Variants in AGMO observed in about 807,000 individuals in gnomAD.
The protein encoded by AGMO is alkylglycerol monooxygenase.
A neutral mutation model predicts 60.2 loss-of-function variants in AGMO; 75 were observed. That is an observed-to-expected ratio of 1.25 (90% CI 1.03 to 1.51). The LOEUF is 1.51. Among genes scored for constraint, AGMO ranks in the 40% most tolerant of loss-of-function variants. AGMO has a pLI of 0.00. For synonymous variants in AGMO, 261 were observed against 177.1 expected (o/e 1.47, Z -3.76); for missense variants, 763 against 525.5 (o/e 1.45, Z -4.42).
rs1463559312 is a variant in AGMO at position 15,201,330 on chromosome 7, C to T, written c.1293G>A (p.Trp431Ter). The T allele has an allele frequency of 6.2e-7, 1 of 1,611,790 alleles. No homozygotes were observed. The highest frequency in any genetic ancestry group is 1.7e-5 in the Admixed American group (1 of 59,838). ...TGAGTTGTTTCATGCTTCTAACTCC[C>T]CAGAAAGCAATGCAAATGGAAAAAA... ...EIVFSICIAF[W>*]GVRSMKQLTS... is the part of the protein sequence containing the mutation. Residue 431 changes from tryptophan (W) to a stop codon, truncating the protein, a stop_gained, in exon 13 of 13, where the codon TGG (tryptophan) becomes TGA (stop). Coordinates refer to ENST00000342526, the MANE Select transcript of AGMO (RefSeq NM_001004320.2). LOFTEE classifies it high-confidence loss of function.
chr7:15,281,517 TTGGGTCAGGAGTGTGTC>T (rs1048197026), intron 12 of AGMO, among the ~76,000 whole-genome samples: 19 of 152,028 alleles, frequency 1.2e-4, no homozygotes, highest in Admixed American at 7.2e-4. Flanking sequence ...AGCCAGAACA[TTGGGTCAGGAGTGTGTC>T]TGGGTCAGGA....
chr7:15,430,918 G>GTTTTTTTTT lies in AGMO; in HGVS notation c.513+78_513+86dup, dbSNP rs71004378. The GTTTTTTTTT allele has an allele frequency of 7.9e-4, 314 of 395,240 alleles. 4 individuals are homozygous for GTTTTTTTTT. Among genetic ancestry groups the GTTTTTTTTT allele is most frequent in the South Asian group, 1.9e-3 (27 of 14,226 alleles). The allele number at this position is 395,240 out of a possible 1,614,324, so 24.5% of individuals were successfully genotyped here. A position where few individuals can be genotyped will look rare whatever the true frequency, so the allele number is the denominator to read the frequency against. On this transcript the variant is annotated intron_variant, in intron 4 of 12. Coordinates refer to ENST00000342526, the MANE Select transcript of AGMO (RefSeq NM_001004320.2). ...CATTTTAGTAAAACACCTTCTATTA[G>GTTTTTTTTT]TTTTTTTTTTTTTTTGAGGAAATAG... is the stretch of plus-strand genomic sequence containing the variant.
chr7:15,394,160 G>C lies in AGMO; in HGVS notation c.629C>G (p.Pro210Arg), dbSNP rs2128486637. The C allele has an allele frequency of 6.2e-7, 1 of 1,611,352 alleles. No individual in the cohort carries two copies. Among genetic ancestry groups the C allele is most frequent in the Non-Finnish European group, 8.5e-7 (1 of 1,177,814 alleles). ...AGGAGTATTAAGAATCAGTTCCAAA[G>C]GACCAAGGTTATTGATGACCTGTTT... Reference protein sequence around the residue: ...IHTEVINNLGPLELILNTPSH... With the variant: ...IHTEVINNLGRLELILNTPSH... Residue 210 changes from proline to arginine, a missense_variant, in exon 6 of 13, where the codon CCT (proline) becomes CGT (arginine). Coordinates refer to ENST00000342526, the MANE Select transcript of AGMO (RefSeq NM_001004320.2).
intron 3 of AGMO, among the ~76,000 whole-genome samples, chr7:15,465,265 C>T (rs1782250652): frequency 6.6e-6 from 1 of 151,914 alleles, no homozygotes; most frequent in Admixed American, 6.6e-5. Context: ...GCACTGCTCC[C>T]CAGAAACACA....
intron 12 of AGMO, among the ~76,000 whole-genome samples, chr7:15,272,822 G>C (rs867844419): frequency 2.6e-5 from 4 of 151,906 alleles, no homozygotes; most frequent in African/African-American, 9.7e-5. Flanking sequence ...TTTAATGATC[G>C]CCATTCTAAC....
chr7:15,379,130 G>C (rs752008817), intron 10 of AGMO, among the ~76,000 whole-genome samples: 6 of 152,052 alleles, frequency 3.9e-5, no homozygotes, highest in Non-Finnish European at 7.4e-5. Flanking sequence ...AGTGTTAAGA[G>C]AGAAATTTAT....
intron 12 of AGMO, among the ~76,000 whole-genome samples, chr7:15,321,073 G>C (rs766159558): frequency 6.6e-6 from 1 of 152,042 alleles, no homozygotes; most frequent in Non-Finnish European, 1.5e-5. Context: ...ATTTTTGTTT[G>C]TTTTGCAGTT....
chr7:15,495,646 T>G (rs960519593), intron 3 of AGMO, among the ~76,000 whole-genome samples: 7 of 152,142 alleles, frequency 4.6e-5, no homozygotes, highest in African/African-American at 1.7e-4. Flanking sequence ...TACCATAAAC[T>G]GGGTGGTTTA....
chr7:15,506,778 G>A (rs1197528507), intron 3 of AGMO, among the ~76,000 whole-genome samples: 1 of 151,896 alleles, frequency 6.6e-6, no homozygotes, highest in Non-Finnish European at 1.5e-5. Context: ...ATCTCAGAAA[G>A]TGTGAGATGA....
intron 3 of AGMO, among the ~76,000 whole-genome samples, chr7:15,454,229 C>T (rs181916248): frequency 1.3e-5 from 2 of 152,058 alleles, no homozygotes; most frequent in African/African-American, 2.4e-5. Flanking sequence ...TTCCAGAGGT[C>T]TAACATACAA....
At chr7:15,316,060 G>T (rs1441825766) in intron 12 of AGMO, among the ~76,000 whole-genome samples, 1 of 152,054 alleles carries the variant, frequency 6.6e-6, no homozygotes, top group Admixed American at 6.6e-5. Flanking sequence ...CAACGCCAGG[G>T]AATGACCCTA....
intron 12 of AGMO, among the ~76,000 whole-genome samples, chr7:15,288,874 C>T (rs191760207): frequency 0.063 from 9,378 of 150,010 alleles, 474 homozygotes; most frequent in South Asian, 0.19. Context: ...AATATATATA[C>T]ACTCTTATCT....
chr7:15,479,375 C>T (rs1583595062), intron 3 of AGMO, among the ~76,000 whole-genome samples: 3 of 152,222 alleles, frequency 2.0e-5, no homozygotes, highest in Admixed American at 2.0e-4. Context: ...ATGAAAAGAT[C>T]TTAGAAACAA....
At chr7:15,120,968 C>T in the AGMO span, among the ~76,000 whole-genome samples, 3 of 152,046 alleles carry the variant, frequency 2.0e-5, no homozygotes, top group Non-Finnish European at 4.4e-5. Context: ...GCTCTCCCTT[C>T]CCTTTCTGCC....
At chr7:15,358,377 T>C in intron 12 of AGMO, 2 of 469,852 alleles carry the variant, frequency 4.3e-6, no homozygotes, top group Non-Finnish European at 8.8e-6. Flanking sequence ...GACGAGATGA[T>C]AACGTGGAAA....
Position 15,472,228 on chromosome 7 carries a change from G to A in AGMO, c.410-41120C>T, listed in dbSNP as rs550745183. On this transcript the variant is annotated intron_variant, in intron 3 of 12. Transcript: ENST00000342526. ...CTTTGGGTTGAAGTTCTGGCTCAGC[G>A]ATAATAATCACAGTGTCATAAAGAC... 3.1e-4 allele frequency among the ~76,000 whole-genome samples: 47 copies of A among 151,890 alleles called. 1 individual carries two copies. In the South Asian group the frequency reaches 8.7e-3, roughly 28 times the overall value.
At chr7:15,173,490 A>G in the AGMO span, among the ~76,000 whole-genome samples, 1 of 152,162 alleles carries the variant, frequency 6.6e-6, no homozygotes, top group Non-Finnish European at 1.5e-5. Context: ...AACACAAGTC[A>G]AAATTAAATT....
intron 3 of AGMO, among the ~76,000 whole-genome samples, chr7:15,528,406 T>C (rs557382441): frequency 6.6e-6 from 1 of 152,254 alleles, no homozygotes; most frequent in African/African-American, 2.4e-5. Context: ...ATCTTCAAAG[T>C]ACACTTGTGT....
intron 12 of AGMO, among the ~76,000 whole-genome samples, chr7:15,224,905 AAATTTTT>A (rs1563042974): frequency 6.6e-6 from 1 of 152,094 alleles, no homozygotes; most frequent in African/African-American, 2.4e-5. Context: ...GCACAATTTC[AAATTTTT>A]AATTTTTTAA....
Sources: allele counts gnomAD v4.1 joint callset (sites outside exome capture counted in the v4.1 genomes callset), GRCh38; gene constraint gnomAD v4.1.1; transcripts MANE v1.5; gene names NCBI Gene and HGNC (gene_info 2026-07-23, HGNC 2026-07-21).